Variants in AGBL5 observed in about 807,000 individuals in gnomAD.
AGBL5 encodes cytosolic carboxypeptidase-like protein 5.
In AGBL5, 51 loss-of-function variants were observed where a neutral mutation model predicts 88.0. The ratio of observed to expected loss-of-function variants is 0.58; its 90% CI spans 0.46 to 0.73. The LOEUF is 0.73. AGBL5 is among the 30% of genes least tolerant of loss of function. The pLI, the probability that AGBL5 is intolerant of heterozygous loss-of-function variation, is 0.00. For missense variants in AGBL5, 1,031 were observed against 1,162.2 expected (o/e 0.89, Z 1.64); for synonymous variants, 446 against 438.8 (o/e 1.02, Z -0.21).
chr2:27,070,185 C>G lies in AGBL5; in HGVS notation c.2583C>G (p.Tyr861Ter). The change falls in exon 15 of 15, where the codon TAC (tyrosine) becomes TAG (stop). Residue 861 changes from tyrosine to a stop codon, truncating the protein, a stop_gained. Transcript: ENST00000360131. LOFTEE classifies it high-confidence loss of function. ...SLSDSPSWNC[Y>*]SRGPLGQPEV... ...CTGACTCCCCATCCTGGAATTGTTA[C>G]AGCAGGGGTCCCTTGGGCCAACCTG... 1 of 1,614,242 alleles carries G rather than the reference C, an allele frequency of 6.2e-7. No homozygotes were observed. Among genetic ancestry groups the G allele is most frequent in the East Asian group, 2.2e-5 (1 of 44,890 alleles).
At chr2:27,050,511 C>T (rs1407357904), upstream of AGBL5, among the ~76,000 whole-genome samples, 1 of 152,232 alleles carries the variant, frequency 6.6e-6, no homozygotes, top group African/African-American at 2.4e-5. Context: ...TCGGCGTTCG[C>T]GGTCCAGGAG....
In AGBL5 at chr2:27,053,116, A is replaced by C. The variant is rs1224769517; in HGVS notation, c.158A>C (p.Glu53Ala). ...TSGIASSPDY[E>A]FNVWTRPDCA... is the part of the protein sequence containing the mutation. The stretch of plus-strand genomic sequence containing the variant: ...GGCATTGCCTCTTCCCCTGACTATG[A>C]ATTCAACGTGTGGACCCGACCAGAC... The change falls in exon 2 of 15, where the codon GAA becomes GCA. Residue 53 changes from glutamate (E) to alanine (A), a missense_variant. Physicochemically the swap from Glu to Ala is moderately radical, Grantham distance 107 (BLOSUM62 -1). Coordinates refer to ENST00000360131, the MANE Select transcript of AGBL5 (RefSeq NM_021831.6). The surrounding 1 kb of genome is among the most constrained non-coding windows in gnomAD (Gnocchi z 4.9). 6.2e-7 allele frequency: 1 copy of C among 1,612,668 alleles called. No homozygotes were observed. The highest frequency in any genetic ancestry group is 2.2e-5 in the East Asian group (1 of 44,854).
intron 7 of AGBL5, 67 bp downstream of exon 7, chr2:27,056,205 T>C: frequency 6.6e-7 from 1 of 1,519,582 alleles, no homozygotes; most frequent in Non-Finnish European, 8.9e-7. Context: ...GGTTAGGCCA[T>C]GAACAGAAGG....
chr2:27,067,015 G>A (rs1003155883), intron 11 of AGBL5, among the ~76,000 whole-genome samples: 3 of 152,050 alleles, frequency 2.0e-5, no homozygotes, highest in Non-Finnish European at 2.9e-5. Context: ...CCCGGGAGGC[G>A]GAGGTTGCAG....
chr2:27,055,072 C>CT lies in AGBL5; in HGVS notation c.730-3_730-2insT. 2 of 1,613,702 alleles carry CT rather than the reference C, an allele frequency of 1.2e-6. No individual in the cohort carries two copies. Among genetic ancestry groups the CT allele is most frequent in the Non-Finnish European group, 1.7e-6 (2 of 1,179,610 alleles). ...TTAATGTCTGCTCTCCTCTCTACCT[C>CT]AGATATTCTTCTTAAGCAGTAGAGT... On this transcript the variant is annotated splice_polypyrimidine_tract_variant and splice_region_variant and intron_variant, in intron 5 of 14. Transcript: ENST00000360131.
At chr2:27,066,983 T>A (rs1669017397) in intron 11 of AGBL5, among the ~76,000 whole-genome samples, 1 of 151,824 alleles carries the variant, frequency 6.6e-6, no homozygotes, top group Non-Finnish European at 1.5e-5. Context: ...CTCGGGAGCC[T>A]GAGGCAGGAG....
chr2:27,055,955 A>G lies in AGBL5; in HGVS notation c.1182A>G (p.Pro394=), dbSNP rs370334733. Residue 394 remains proline, a synonymous_variant, in exon 7 of 15, where the codon CCA becomes CCG. Transcript: ENST00000360131. ...HNAEAWKQTE[P]AEQKLNSVWI... ...CTGAAGCCTGGAAACAAACAGAGCC[A>G]GCAGAACAGAAGCTCAACAGTGTGT... is the stretch of plus-strand genomic sequence containing the variant. The G allele has an allele frequency of 1.2e-6, 2 of 1,614,142 alleles. No individual in the cohort carries two copies. Among genetic ancestry groups the G allele is most frequent in the African/African-American group, 2.7e-5 (2 of 74,950 alleles).
Position 27,055,153 on chromosome 2 carries a change from C to T in AGBL5, c.808C>T (p.Leu270Phe). The change falls in exon 6 of 15, where the codon CTC becomes TTC. Residue 270 changes from leucine to phenylalanine, a missense_variant. Coordinates refer to ENST00000360131, the MANE Select transcript of AGBL5 (RefSeq NM_021831.6). The stretch of plus-strand genomic sequence containing the variant: ...CTTCAATGGCTTTCTGGACTTCATC[C>T]TCCGACCTGATGATCCCCGGGCCCA... ...FVFNGFLDFI[L>F]RPDDPRAQTL... 6.2e-7 allele frequency: 1 copy of T among 1,614,232 alleles called. No individual in the cohort carries two copies. Among genetic ancestry groups the T allele is most frequent in the Non-Finnish European group, 8.5e-7 (1 of 1,180,030 alleles).
chr2:27,050,729 T>G (rs907391918), upstream of AGBL5, among the ~76,000 whole-genome samples: 2 of 152,310 alleles, frequency 1.3e-5, no homozygotes, highest in African/African-American at 4.8e-5. Context: ...CATGGCTGGA[T>G]GAGGTTGCGG....
At chr2:27,052,213 G>A (rs1668191819) in intron 1 of AGBL5, 1 of 152,558 alleles carries the variant, frequency 6.6e-6, no homozygotes, top group East Asian at 1.9e-4. Flanking sequence ...AGTGCTTACG[G>A]GGCGGAGGGG....
At chr2:27,054,330 A>G in intron 4 of AGBL5, 1 of 552,868 alleles carries the variant, frequency 1.8e-6, no homozygotes, top group South Asian at 2.7e-5. Context: ...TTTAGCCAGC[A>G]TTATGTGACT....
chr2:27,059,114 T>G (rs1432133904), intron 10 of AGBL5, 76 bp from the exon 11 acceptor site: 13 of 1,423,978 alleles, frequency 9.1e-6, no homozygotes, highest in Non-Finnish European at 1.1e-5. Flanking sequence ...GAAGCTTTAC[T>G]GAGCAGCAGA....
intron 11 of AGBL5, among the ~76,000 whole-genome samples, chr2:27,066,503 G>GTT (rs1304959509): frequency 6.6e-6 from 1 of 152,156 alleles, no homozygotes; most frequent in East Asian, 1.9e-4. Flanking sequence ...GAGTTTAAGA[G>GTT]TAAGTAGAGC....
rs1485812702 is a variant in AGBL5, at chr2:27,070,211, A to T, written c.2609A>T (p.Glu870Val). 1 of 1,614,020 alleles carries T rather than the reference A, an allele frequency of 6.2e-7. No homozygotes were observed. Among genetic ancestry groups the T allele is most frequent in the Non-Finnish European group, 8.5e-7 (1 of 1,180,014 alleles). Residue 870 changes from glutamate to valine, a missense_variant, in exon 15 of 15, where the codon GAG becomes GTG. By Grantham distance (121) the Glu-to-Val change is moderately radical (BLOSUM62 -2). Transcript: ENST00000360131. ...AGCAGGGGTCCCTTGGGCCAACCTG[A>T]GGTTTGTTTTGTCCCTAAATCTCCC... ...CYSRGPLGQP[E>V]VCFVPKSPPL...
intron 11 of AGBL5, among the ~76,000 whole-genome samples, chr2:27,063,081 A>G (rs1168358035): frequency 1.3e-5 from 2 of 152,232 alleles, no homozygotes; most frequent in East Asian, 3.8e-4. Context: ...GAAAAGAGAG[A>G]TAAGTATTAG....
At chr2:27,050,441 T>C (rs980677919), upstream of AGBL5, among the ~76,000 whole-genome samples, 2 of 152,180 alleles carry the variant, frequency 1.3e-5, no homozygotes, top group African/African-American at 2.4e-5. Flanking sequence ...GCAAAGCCCC[T>C]GTGAGTGCAG....
intron 13 of AGBL5, chr2:27,069,077 G>A (rs1276969715): frequency 8.9e-6 from 12 of 1,354,218 alleles, no homozygotes; most frequent in Non-Finnish European, 1.2e-5. Context: ...CCGCCAGGAG[G>A]GGTCCCGGAT....
upstream of AGBL5, chr2:27,051,629 A>G (rs1244010657): frequency 1.3e-5 from 2 of 152,298 alleles, no homozygotes; most frequent in African/African-American, 4.8e-5. Context: ...CGCCAGCTGC[A>G]GCCACGGCCA....
At chr2:27,057,998 C>T (rs1355943589) in intron 9 of AGBL5, among the ~76,000 whole-genome samples, 1 of 151,936 alleles carries the variant, frequency 6.6e-6, no homozygotes, top group Non-Finnish European at 1.5e-5. Context: ...ATCACTTGAA[C>T]CCGGGAGGCA....
Sources: gnomAD v4.1 joint callset for allele counts (sites outside exome capture counted in the v4.1 genomes callset) on GRCh38, gnomAD v4.1.1 for gene constraint, Gnocchi (gnomAD v3.1) non-coding constraint, MANE v1.5 for transcripts, NCBI Gene and HGNC (gene_info 2026-07-23, HGNC 2026-07-21) for gene names.